The following GREB1 variants were observed in gnomAD, a reference collection of about 807,000 sequenced individuals.
GREB1 encodes the protein protein GREB1.
GREB1 carries 106 observed loss-of-function variants against 200.7 expected under a neutral mutation model. The ratio of observed to expected loss-of-function variants is 0.53; its 90% confidence interval spans 0.45 to 0.62. GREB1 has a LOEUF of 0.62. Among genes scored for constraint, GREB1 ranks in the 20% least tolerant of loss-of-function variants. The pLI, the probability that GREB1 is intolerant of heterozygous loss-of-function variation, is 0.00. For synonymous variants in GREB1, 1,132 were observed against 1,092.4 expected, an observed-to-expected ratio of 1.04 and a Z score of -0.72; for missense variants, 2,243 against 2,556.8, an observed-to-expected ratio of 0.88 and a Z score of 2.65.
At position 11,640,427 on chromosome 2, in the gene GREB1, CT is replaced by C; in HGVS notation, c.5829del (p.Leu1944Ter). ...CCAATGCCAGGGAAGACCGGCCGCT[CT>C]TTTTTCTGACGGGACGACACATCTG... ...TANAREDRPL[F>X]FLTGRHI On this transcript the variant is annotated frameshift_variant, in exon 33 of 33. Transcript: ENST00000381486. LOFTEE classifies it high-confidence loss of function. The surrounding 1 kb of genome is among the most constrained non-coding windows in gnomAD (Gnocchi z 4.6). 1 of 1,604,522 alleles carries C rather than the reference CT, an allele frequency of 6.2e-7. No homozygotes were observed. The highest frequency in any genetic ancestry group is 8.5e-7 in the Non-Finnish European group (1 of 1,174,550).
chr2:11,558,686 C>T (rs1676679717), intron 2 of GREB1, among the ~76,000 whole-genome samples: 1 of 152,164 alleles, frequency 6.6e-6, no homozygotes, highest in Non-Finnish European at 1.5e-5. Flanking sequence ...AGCTAGAGGC[C>T]CTGCTTTCTG....
intron 1 of GREB1, chr2:11,540,738 A>T (rs2148519958): frequency 6.5e-6 from 1 of 152,724 alleles, no homozygotes; most frequent in Non-Finnish European, 1.5e-5. Flanking sequence ...TCTACATGAG[A>T]ATGATGTCTT....
intron 7 of GREB1, among the ~76,000 whole-genome samples, chr2:11,582,030 C>T (rs1679540255): frequency 6.6e-6 from 1 of 151,008 alleles, no homozygotes; most frequent in Non-Finnish European, 1.5e-5. Flanking sequence ...CAGGCAGCCT[C>T]TGCTTTCATC....
At chr2:11,562,692 C>A in intron 3 of GREB1, 110 bp downstream of exon 3, 2 of 1,297,598 alleles carry the variant, frequency 1.5e-6, no homozygotes, top group Non-Finnish European at 2.1e-6. Context: ...CCTCTTTGCT[C>A]TTCCTCTTTG....
intron 10 of GREB1, among the ~76,000 whole-genome samples, chr2:11,589,927 T>C (rs1171444609): frequency 2.0e-5 from 3 of 152,112 alleles, no homozygotes; most frequent in Admixed American, 2.0e-4. Context: ...GTCGCCTGTG[T>C]TCATTTGCAT....
chr2:11,570,900 G>A lies in GREB1; in HGVS notation c.454+4244G>A, dbSNP rs955342326. Among the ~76,000 whole-genome samples, 6 of 152,120 alleles carry A rather than the reference G, an allele frequency of 3.9e-5. No homozygotes were observed. The East Asian group carries it at 5.8e-4, about 15-fold the overall frequency. ...ACCACCCCTGAGTGCTTCATCTTCC[G>A]CGGGAACACCTGGGACCCCTGCCCC... is the stretch of plus-strand genomic sequence containing the variant. On this transcript the variant is annotated intron_variant, in intron 4 of 32. Coordinates refer to ENST00000381486, the MANE Select transcript of GREB1 (RefSeq NM_014668.4).
Position 11,492,465 on chromosome 2 carries a change from T to C in GREB1, c.-159+10084T>C, listed in dbSNP as rs539331497. ...ATAAATTGGGAGCTCAGCTGTGTTA[T>C]CACAGTCTGTGATCTGGAGCCGGCT... On this transcript the variant is annotated intron_variant, in intron 1 of 2. Transcript: ENST00000628795. The surrounding 1 kb of genome is among the most constrained non-coding windows in gnomAD (Gnocchi z 4.0). Among the ~76,000 whole-genome samples, 1 of 152,330 alleles carries C rather than the reference T, an allele frequency of 6.6e-6. No individual in the cohort carries two copies. The highest frequency in any genetic ancestry group is 2.4e-5 in the African/African-American group (1 of 41,594).
chr2:11,637,394 C>A (rs1685469615), intron 30 of GREB1, among the ~76,000 whole-genome samples: 1 of 152,062 alleles, frequency 6.6e-6, no homozygotes, highest in Non-Finnish European at 1.5e-5. Flanking sequence ...GGGAGCTGGC[C>A]ACTCCCAGAG....
At position 11,615,090 on chromosome 2, in the gene GREB1, G is replaced by A; in HGVS notation, c.3123-1G>A. ...AGACACCTTCTTCTGTGTCTTGCTA[G>A]GTCTTTGAGGTACTGTGACCTGCGA... On this transcript the variant is annotated splice_acceptor_variant, in intron 19 of 32. Transcript: ENST00000381486. LOFTEE classifies it high-confidence loss of function. The A allele has an allele frequency of 1.2e-6, 2 of 1,612,176 alleles. No individual in the cohort carries two copies. Among genetic ancestry groups the A allele is most frequent in the Non-Finnish European group, 1.7e-6 (2 of 1,178,202 alleles).
intron 2 of GREB1, among the ~76,000 whole-genome samples, chr2:11,559,167 G>A (rs949664193): frequency 4.6e-5 from 7 of 152,162 alleles, no homozygotes; most frequent in African/African-American, 1.4e-4. Context: ...GAGGGAAGCG[G>A]CGCTCCAGGC....
At chr2:11,575,886 A>G (rs1372866828) in intron 4 of GREB1, among the ~76,000 whole-genome samples, 1 of 152,164 alleles carries the variant, frequency 6.6e-6, no homozygotes, top group African/African-American at 2.4e-5. Flanking sequence ...CTCTCTACAT[A>G]GGTGTTTAAG....
chr2:11,564,148 G>A lies in GREB1; in HGVS notation c.277+1566G>A, dbSNP rs371843520. Among the ~76,000 whole-genome samples, 3 of 152,168 alleles carry A rather than the reference G, an allele frequency of 2.0e-5. No homozygotes were observed. In the East Asian group the frequency reaches 5.8e-4, roughly 29 times the overall value. ...GAGGAACTACTAGCAGATTATTTAC[G>A]TAGGGGCCTGAGGTGTGGCAGAGCC... is the stretch of plus-strand genomic sequence containing the variant. On this transcript the variant is annotated intron_variant, in intron 3 of 32. Transcript: ENST00000381486.
At chr2:11,546,871 A>G (rs1292699667) in intron 1 of GREB1, among the ~76,000 whole-genome samples, 1 of 152,202 alleles carries the variant, frequency 6.6e-6, no homozygotes, top group Admixed American at 6.5e-5. Context: ...TGGCACCAGA[A>G]AGTAATGATA....
At chr2:11,534,591 C>T (rs1179337543) in intron 1 of GREB1, among the ~76,000 whole-genome samples, 2 of 152,152 alleles carry the variant, frequency 1.3e-5, no homozygotes, top group Non-Finnish European at 2.9e-5. Context: ...GGGGGCCCCT[C>T]AGCAGTAAAG....
Position 11,616,649 on chromosome 2 carries a change from G to A in GREB1, c.3341G>A (p.Arg1114Lys). The A allele has an allele frequency of 6.2e-7, 1 of 1,610,748 alleles. No homozygotes were observed. Among genetic ancestry groups the A allele is most frequent in the Non-Finnish European group, 8.5e-7 (1 of 1,176,896 alleles). The change falls in exon 21 of 33, where the codon AGA becomes AAA. Residue 1114 changes from arginine (R) to lysine (K), a missense_variant. Physicochemically the swap from Arg to Lys is conservative, Grantham distance 26. This residue lies in a region of GREB1 where 587 missense variants were observed against 553.1 expected (regional missense o/e 1.06). Transcript: ENST00000381486. ...GGAACAGGCTCTACCTCGGAGAAGA[G>A]AAGCCCCATGAAAAGGGAGAGGTCC... ...LGTEGSTSEK[R>K]SPMKRERSRS... is the part of the protein sequence containing the mutation.
intron 1 of GREB1, among the ~76,000 whole-genome samples, chr2:11,483,199 A>G (rs1246405768): frequency 1.4e-5 from 2 of 146,982 alleles, no homozygotes; most frequent in African/African-American, 5.1e-5. Context: ...GCGCGGGTAT[A>G]GGTGTGGGCG....
rs748440498 is a variant in GREB1 at position 11,596,178 on chromosome 2, C to G, written c.1893C>G (p.Leu631=). The stretch of plus-strand genomic sequence containing the variant: ...ATCAAGGCCATATTTCTTCCTCACT[C>G]GCTGCCTCTTCTGTCACTAAAGCAG... ...QENQGHISSS[L]AASSVTKAAS... The change falls in exon 13 of 33, where the codon CTC becomes CTG. Residue 631 remains leucine, a synonymous_variant. Coordinates refer to ENST00000381486, the MANE Select transcript of GREB1 (RefSeq NM_014668.4). The G allele has an allele frequency of 1.2e-6, 2 of 1,613,242 alleles. No homozygotes were observed. Among genetic ancestry groups the G allele is most frequent in the Admixed American group, 1.7e-5 (1 of 60,024 alleles).
intron 23 of GREB1, among the ~76,000 whole-genome samples, chr2:11,622,889 C>G (rs10172597): frequency 0.017 from 2,607 of 152,308 alleles, 76 homozygotes; most frequent in African/African-American, 0.06. Context: ...TCACAGCAAA[C>G]AGCACAAGGC....
In GREB1 at chr2:11,492,752, G is replaced by A. The variant is rs1054334395; in HGVS notation, c.-159+10371G>A. ...AGCCCCCTTGAGACTCACACTGAAGGCCTCCTGGGGAGGGAACTGCAATGA... is the reference window on the plus strand; with the variant it reads ...AGCCCCCTTGAGACTCACACTGAAGACCTCCTGGGGAGGGAACTGCAATGA... On this transcript the variant is annotated intron_variant, in intron 1 of 2. Coordinates refer to the GREB1 transcript ENST00000628795. The surrounding 1 kb of genome is among the most constrained non-coding windows in gnomAD (Gnocchi z 4.0). Among the ~76,000 whole-genome samples, 2 of 152,196 alleles carry A rather than the reference G, an allele frequency of 1.3e-5. No individual in the cohort carries two copies. The highest frequency in any genetic ancestry group is 4.8e-5 in the African/African-American group (2 of 41,454).
Sources: gnomAD v4.1 joint callset for allele counts (sites outside exome capture counted in the v4.1 genomes callset) on GRCh38, gnomAD v4.1.1 for gene constraint, gnomAD v4.1.1 regional missense constraint, Gnocchi (gnomAD v3.1) non-coding constraint, MANE v1.5 for transcripts, NCBI Gene and HGNC (gene_info 2026-07-23, HGNC 2026-07-21) for gene names.